The following PRR36 variants were observed in gnomAD, a reference collection of about 807,000 sequenced individuals.
PRR36 encodes the protein proline-rich protein 36.
Under a neutral mutation model 58.6 loss-of-function variants are expected in PRR36, and 30 were observed. That is an observed-to-expected ratio of 0.51 (90% CI 0.38 to 0.69). The LOEUF (loss-of-function observed/expected upper bound fraction) is 0.69. Ranked by LOEUF, PRR36 falls within the 30% of genes least tolerant of loss-of-function variation. The pLI, the probability that PRR36 is intolerant of heterozygous loss-of-function variation, is 0.00. For synonymous variants in PRR36, 771 were observed against 829.3 expected (o/e 0.93, Z 1.21); for missense variants, 1,692 against 1,805.6 (o/e 0.94, Z 1.14).
chr19:7,871,308 G>A lies in PRR36; in HGVS notation c.1936C>T (p.Pro646Ser). ...GGTGAATCAGGGGGAGTAGAGGCCG[G>A]CCGAGAAGGTGAGATCAAAGAAGCT... ...TQASLISPSRPASTPPDSPPL... is the reference protein window; with the variant it reads ...TQASLISPSRSASTPPDSPPL... Residue 646 changes from proline to serine, a missense_variant, in exon 5 of 6, where the codon CCG becomes TCG. This residue lies in a region of PRR36 where 975 missense variants were observed against 955.2 expected (regional missense o/e 1.02). Coordinates refer to ENST00000618550, the MANE Select transcript of PRR36 (RefSeq NM_001190467.2). 6.5e-7 allele frequency: 1 copy of A among 1,529,818 alleles called. No individual in the cohort carries two copies. Among genetic ancestry groups the A allele is most frequent in the Non-Finnish European group, 8.7e-7 (1 of 1,142,958 alleles). The allele number at this position is 1,529,818 out of a possible 1,614,324, so 94.8% of individuals were successfully genotyped here. A position where few individuals can be genotyped will look rare whatever the true frequency, so the allele number is the denominator to read the frequency against.
chr19:7,870,954 CTAGAGAAGGTAGGTT>C lies in PRR36; in HGVS notation c.2275_2289del (p.Asn759_Leu763del). The stretch of plus-strand genomic sequence containing the variant: ...GAAGCTGTCTGCAGAGGAGGCGGGG[CTAGAGAAGGTAGGTT>C]CTCCAGAGGGGGTGTGGTCAGGGGA... On this transcript the variant is annotated inframe_deletion, in exon 5 of 6. Coordinates refer to ENST00000618550, the MANE Select transcript of PRR36 (RefSeq NM_001190467.2). 2.9e-6 allele frequency: 4 copies of C among 1,364,232 alleles called. No homozygotes were observed. Among genetic ancestry groups the C allele is most frequent in the South Asian group, 1.8e-5 (1 of 55,414 alleles). 84.5% of individuals were successfully genotyped at this position (1,364,232 alleles called of 1,614,324 possible).
In PRR36 at chr19:7,870,042, G is replaced by A. The variant is rs1354922345; in HGVS notation, c.3202C>T (p.Pro1068Ser). 2.7e-6 allele frequency: 4 copies of A among 1,459,988 alleles called. 1 individual carries two copies. Among genetic ancestry groups the A allele is most frequent in the South Asian group, 2.7e-5 (2 of 73,396 alleles). 90.4% of individuals were successfully genotyped at this position (1,459,988 alleles called of 1,614,324 possible). The change falls in exon 5 of 6, where the codon CCC (proline) becomes TCC (serine). Residue 1068 changes from proline (P) to serine (S), a missense_variant. Pro to Ser is a moderately conservative substitution (Grantham distance 74). Around this residue, in one of 5 missense-constraint regions of PRR36, gnomAD observed 485 missense variants for 549.2 expected, o/e 0.88. Transcript: ENST00000618550. The stretch of plus-strand genomic sequence containing the variant: ...GCCTGCAGGGTGGGTGAGGCAGGGG[G>A]AGAGGGAGGGACCTGCAGAAGGGGC... ...AAPLLQVPPS[P>S]PASPTLQAPR...
At position 7,872,145 on chromosome 19, in the gene PRR36, C is replaced by T. The variant is rs1215985650; in HGVS notation, c.1099G>A (p.Ala367Thr). 16 of 1,498,596 alleles carry T rather than the reference C, an allele frequency of 1.1e-5. No homozygotes were observed. Among genetic ancestry groups the T allele is most frequent in the Non-Finnish European group, 1.3e-5 (15 of 1,127,550 alleles). The allele number at this position is 1,498,596 out of a possible 1,614,324, so 92.8% of individuals were successfully genotyped here. A position where few individuals can be genotyped will look rare whatever the true frequency, so the allele number is the denominator to read the frequency against. Residue 367 changes from alanine (A) to threonine (T), a missense_variant, in exon 5 of 6, where the codon GCC (alanine) becomes ACC (threonine). Physicochemically the swap from Ala to Thr is moderately conservative, Grantham distance 58. Coordinates refer to ENST00000618550, the MANE Select transcript of PRR36 (RefSeq NM_001190467.2). This position sits in a 1 kb window ranked among gnomAD's most constrained non-coding sequence, Gnocchi z 6.1. ...PHSSSLTCQL[A>T]TPLPLAPPSP... ...GGAGGGGCTAGAGGAAGGGGCGTGG[C>T]CAACTGACAGGTAAGGCTCGACGAG... is the stretch of plus-strand genomic sequence containing the variant.
rs1980433660 is a variant in PRR36, at chr19:7,871,325, A to G, written c.1919T>C (p.Leu640Ser). 6.5e-7 allele frequency: 1 copy of G among 1,529,888 alleles called. No homozygotes were observed. Among genetic ancestry groups the G allele is most frequent in the South Asian group, 1.2e-5 (1 of 83,624 alleles). The allele number at this position is 1,529,888 out of a possible 1,614,324, so 94.8% of individuals were successfully genotyped here. ...TMSPRQTQAS[L>S]ISPSRPASTP... ...AGAGGCCGGCCGAGAAGGTGAGATCAAAGAAGCTTGGGTTTGCCTAGGGGA... is the reference window on the plus strand; with the variant it reads ...AGAGGCCGGCCGAGAAGGTGAGATCGAAGAAGCTTGGGTTTGCCTAGGGGA... The change falls in exon 5 of 6, where the codon TTG (leucine) becomes TCG (serine). Residue 640 changes from leucine to serine, a missense_variant. Leu to Ser is a moderately radical substitution (Grantham distance 145, BLOSUM62 -2). This residue lies in a region of PRR36 where 975 missense variants were observed against 955.2 expected (regional missense o/e 1.02). Transcript: ENST00000618550.
chr19:7,869,364 C>G lies in PRR36; in HGVS notation c.3710G>C (p.Arg1237Pro), dbSNP rs1383170564. Residue 1237 changes from arginine (R) to proline (P), a missense_variant, in exon 6 of 6, where the codon CGG becomes CCG. Coordinates refer to ENST00000618550, the MANE Select transcript of PRR36 (RefSeq NM_001190467.2). ...AAGAGAGASS[R>P]SPKQARLGEL... ...GCCCAGGCGCGCCTGCTTCGGGCTC[C>G]GCGAGGACGCCCCGGCCCCGGCCCC... The G allele has an allele frequency of 7.0e-7, 1 of 1,435,936 alleles. No homozygotes were observed. Among genetic ancestry groups the G allele is most frequent in the South Asian group, 1.4e-5 (1 of 70,376 alleles). 88.9% of individuals were successfully genotyped at this position (1,435,936 alleles called of 1,614,324 possible). A position where few individuals can be genotyped will look rare whatever the true frequency, so the allele number is the denominator to read the frequency against.
At position 7,869,938 on chromosome 19, in the gene PRR36, CG is replaced by C; in HGVS notation, c.3305del (p.Pro1102ArgfsTer13). 7.3e-7 allele frequency: 1 copy of C among 1,364,834 alleles called. No individual in the cohort carries two copies. The highest frequency in any genetic ancestry group is 9.4e-7 in the Non-Finnish European group (1 of 1,066,536). 84.5% of individuals were successfully genotyped at this position (1,364,834 alleles called of 1,614,324 possible). ...PRLTLALAPG[P>X]PPPPSRSPSS... is the part of the protein sequence containing the mutation. The stretch of plus-strand genomic sequence containing the variant: ...ACGGGCTGCGCGAGGGCGGCGGCGG[CG>C]GGCCGGGGGCCAACGCCAGGGTCAG... On this transcript the variant is annotated frameshift_variant, in exon 5 of 6. Transcript: ENST00000618550. LOFTEE classifies it high-confidence loss of function.
chr19:7,871,680 C>T lies in PRR36; in HGVS notation c.1564G>A (p.Asp522Asn). Residue 522 changes from aspartate (D) to asparagine (N), a missense_variant, in exon 5 of 6, where the codon GAC becomes AAC. By Grantham distance (23) the Asp-to-Asn change is conservative. Transcript: ENST00000618550. ...GGCAATGTGGCCAGAAGAGGAGAGT[C>T]CTGCAGAGGAAGAGTGGCCAGAGTG... ...PHTLATLPLQ[D>N]SPLLATLPLQ... The T allele has an allele frequency of 6.5e-7, 1 of 1,535,204 alleles. No individual in the cohort carries two copies. The highest frequency in any genetic ancestry group is 8.7e-7 in the Non-Finnish European group (1 of 1,146,664).
Position 7,870,948 on chromosome 19 carries a change from GCGGGGCT to G in PRR36, c.2289_2295del (p.Ala764LeufsTer10). The G allele has an allele frequency of 7.8e-5, 107 of 1,364,322 alleles. No homozygotes were observed. Among genetic ancestry groups the G allele is most frequent in the East Asian group, 2.7e-4 (10 of 36,584 alleles). The allele number at this position is 1,364,322 out of a possible 1,614,324, so 84.5% of individuals were successfully genotyped here. ...GGAGCAGAAGCTGTCTGCAGAGGAG[GCGGGGCT>G]AGAGAAGGTAGGTTCTCCAGAGGGG... On this transcript the variant is annotated frameshift_variant, in exon 5 of 6. Transcript: ENST00000618550. LOFTEE classifies it high-confidence loss of function.
rs1980591967 is a variant in PRR36, at chr19:7,874,020, G to C, written c.-8+266C>G. Among the ~76,000 whole-genome samples, 1 of 151,332 alleles carries C rather than the reference G, an allele frequency of 6.6e-6. No homozygotes were observed. Among genetic ancestry groups the C allele is most frequent in the Non-Finnish European group, 1.5e-5 (1 of 67,882 alleles). ...TGCCCCTTGCCCCTTCAGGGACTCAGACCGCCAGCCTCGAGAGCGGGGGAC... is the reference window on the plus strand; with the variant it reads ...TGCCCCTTGCCCCTTCAGGGACTCACACCGCCAGCCTCGAGAGCGGGGGAC... On this transcript the variant is annotated intron_variant, in intron 1 of 5. Transcript: ENST00000618550. This position sits in a 1 kb window ranked among gnomAD's most constrained non-coding sequence, Gnocchi z 6.0.
At position 7,873,937 on chromosome 19, in the gene PRR36, G is replaced by A. The variant is rs1383079479; in HGVS notation, c.-7-241C>T. ...TCCCTAAAGCGAAGAGGCCCTGCCC[G>A]CCCCAGCCCACCGCCTCCCCCGCCT... On this transcript the variant is annotated intron_variant, in intron 1 of 5. Transcript: ENST00000618550. This position sits in a 1 kb window ranked among gnomAD's most constrained non-coding sequence, Gnocchi z 5.0. Among the ~76,000 whole-genome samples the A allele has an allele frequency of 4.5e-5, 4 of 88,382 alleles. No homozygotes were observed. In the East Asian group the frequency reaches 9.1e-4, roughly 20 times the overall value. The allele number at this position is 88,382 out of a possible 152,430, so 58.0% of individuals were successfully genotyped here.
Position 7,873,285 on chromosome 19 carries a change from C to G in PRR36, c.286G>C (p.Ala96Pro), listed in dbSNP as rs988789918. 6.5e-7 allele frequency: 1 copy of G among 1,535,024 alleles called. No homozygotes were observed. Among genetic ancestry groups the G allele is most frequent in the African/African-American group, 1.4e-5 (1 of 72,980 alleles). Residue 96 changes from alanine (A) to proline (P), a missense_variant, in exon 3 of 6, where the codon GCC (alanine) becomes CCC (proline). Physicochemically the swap from Ala to Pro is conservative, Grantham distance 27 (BLOSUM62 -1). This residue lies in a region of PRR36 where 975 missense variants were observed against 955.2 expected (regional missense o/e 1.02). Transcript: ENST00000618550. This position sits in a 1 kb window ranked among gnomAD's most constrained non-coding sequence, Gnocchi z 5.0. The stretch of plus-strand genomic sequence containing the variant: ...GGAGCTCTCTCCCCTCTCCCAGAGG[C>G]TGGGGGCCTGGAGGCTGCGGGGAGA... ...SSRNPASRPP[A>P]SGRGERAPPA... is the part of the protein sequence containing the mutation.
chr19:7,872,562 GCCGCCTCCT>G lies in PRR36; in HGVS notation c.673_681del (p.Arg225_Arg227del). On this transcript the variant is annotated inframe_deletion, in exon 5 of 6. Transcript: ENST00000618550. The surrounding 1 kb of genome is among the most constrained non-coding windows in gnomAD (Gnocchi z 6.1). ...CTCTGGAGACCCCCACCGGCGCTGG[GCCGCCTCCT>G]GGCAGCCGGGCTTGGCTCGGTGGTA... 1 of 1,523,644 alleles carries G rather than the reference GCCGCCTCCT, an allele frequency of 6.6e-7. No individual in the cohort carries two copies. The allele number at this position is 1,523,644 out of a possible 1,614,324, so 94.4% of individuals were successfully genotyped here.
At position 7,869,340 on chromosome 19, in the gene PRR36, C is replaced by A; in HGVS notation, c.3734G>T (p.Gly1245Val). The A allele has an allele frequency of 7.0e-7, 1 of 1,426,608 alleles. No individual in the cohort carries two copies. Among genetic ancestry groups the A allele is most frequent in the South Asian group, 1.4e-5 (1 of 69,212 alleles). 88.4% of individuals were successfully genotyped at this position (1,426,608 alleles called of 1,614,324 possible). A position where few individuals can be genotyped will look rare whatever the true frequency, so the allele number is the denominator to read the frequency against. Residue 1245 changes from glycine to valine, a missense_variant, in exon 6 of 6, where the codon GGC becomes GTC. By Grantham distance (109) the Gly-to-Val change is moderately radical. Coordinates refer to ENST00000618550, the MANE Select transcript of PRR36 (RefSeq NM_001190467.2). ...SSRSPKQARL[G>V]ELPLGALQAS... The stretch of plus-strand genomic sequence containing the variant: ...CTGCAGCGCCCCCAGTGGCAGCTCG[C>A]CCAGGCGCGCCTGCTTCGGGCTCCG...
chr19:7,872,308 G>C lies in PRR36; in HGVS notation c.936C>G (p.Thr312=), dbSNP rs963308634. 8 of 1,454,492 alleles carry C rather than the reference G, an allele frequency of 5.5e-6. No homozygotes were observed. The highest frequency in any genetic ancestry group is 1.4e-5 in the African/African-American group (1 of 70,058). 90.1% of individuals were successfully genotyped at this position (1,454,492 alleles called of 1,614,324 possible). The change falls in exon 5 of 6, where the codon ACC becomes ACG. Residue 312 remains threonine (T), a synonymous_variant. Transcript: ENST00000618550. This position sits in a 1 kb window ranked among gnomAD's most constrained non-coding sequence, Gnocchi z 6.1. Reference sequence around the variant, plus strand: ...CGGGAGGCGGTACGGGTCTTGCCTTGGTACCCGATGGAGAGGGTGTGGCCA... The same window carrying C: ...CGGGAGGCGGTACGGGTCTTGCCTTCGTACCCGATGGAGAGGGTGTGGCCA... ...SPLATPSPSG[T]KARPVPPPDN...
In PRR36 at chr19:7,870,987, TCAGGGGAGCAGAAGC is replaced by T; in HGVS notation, c.2242_2256del (p.Ala748_Leu752del). 1 of 1,055,284 alleles carries T rather than the reference TCAGGGGAGCAGAAGC, an allele frequency of 9.5e-7. No individual in the cohort carries two copies. The highest frequency in any genetic ancestry group is 1.3e-6 in the Non-Finnish European group (1 of 772,008). 65.4% of individuals were successfully genotyped at this position (1,055,284 alleles called of 1,614,324 possible). On this transcript the variant is annotated inframe_deletion, in exon 5 of 6. Coordinates refer to ENST00000618550, the MANE Select transcript of PRR36 (RefSeq NM_001190467.2). ...GGTAGGTTCTCCAGAGGGGGTGTGG[TCAGGGGAGCAGAAGC>T]TGTCTGCAGAGGAGGCGGGGCTAGA... is the stretch of plus-strand genomic sequence containing the variant.
At position 7,870,971 on chromosome 19, in the gene PRR36, T is replaced by A; in HGVS notation, c.2273A>T (p.Glu758Val). 9.8e-7 allele frequency: 1 copy of A among 1,018,162 alleles called. No homozygotes were observed. The highest frequency in any genetic ancestry group is 1.3e-6 in the Non-Finnish European group (1 of 749,074). 63.1% of individuals were successfully genotyped at this position (1,018,162 alleles called of 1,614,324 possible). ...ASAPLTTPPL[E>V]NLPSLAPPPL... is the part of the protein sequence containing the mutation. ...AGGCGGGGCTAGAGAAGGTAGGTTC[T>A]CCAGAGGGGGTGTGGTCAGGGGAGC... Residue 758 changes from glutamate to valine, a missense_variant, in exon 5 of 6, where the codon GAG becomes GTG. Glu to Val is a moderately radical substitution (Grantham distance 121). Coordinates refer to ENST00000618550, the MANE Select transcript of PRR36 (RefSeq NM_001190467.2).
Position 7,868,731 on chromosome 19 carries a change from T to A in PRR36, c.*302A>T. On this transcript the variant is annotated 3_prime_UTR_variant, in exon 6 of 6. Transcript: ENST00000618550. ...GACAGCGAAGGTGTGCAAGTCCCAG[T>A]GTCCCAGTTTTATTGCAAACTCAGG... is the stretch of plus-strand genomic sequence containing the variant. 3.1e-6 allele frequency: 1 copy of A among 319,844 alleles called. No individual in the cohort carries two copies. Among genetic ancestry groups the A allele is most frequent in the Non-Finnish European group, 5.8e-6 (1 of 173,792 alleles). The allele number at this position is 319,844 out of a possible 1,614,324, so 19.8% of individuals were successfully genotyped here. A position where few individuals can be genotyped will look rare whatever the true frequency, so the allele number is the denominator to read the frequency against.
Position 7,871,745 on chromosome 19 carries a change from C to G in PRR36, c.1499G>C (p.Ser500Thr), listed in dbSNP as rs372278585. ...GAGAGAGGGCGGAGACGGGGAAGGACTGGCCTGCGGAGGGGGCGTGGTCAG... is the reference window on the plus strand; with the variant it reads ...GAGAGAGGGCGGAGACGGGGAAGGAGTGGCCTGCGGAGGGGGCGTGGTCAG... ...SALTTPPPQA[S>T]PSPSPPSLQA... The change falls in exon 5 of 6, where the codon AGT (serine) becomes ACT (threonine). Residue 500 changes from serine (S) to threonine (T), a missense_variant. Physicochemically the swap from Ser to Thr is moderately conservative, Grantham distance 58 (BLOSUM62 1). Transcript: ENST00000618550. 9.1e-6 allele frequency: 14 copies of G among 1,533,964 alleles called. No individual in the cohort carries two copies. The highest frequency in any genetic ancestry group is 7.4e-5 in the East Asian group (3 of 40,752).
Position 7,869,829 on chromosome 19 carries a change from C to A in PRR36, c.3415G>T (p.Gly1139Trp), listed in dbSNP as rs1980294013. ...GAGGCTGCGGCACCGCCCTCGGGCC[C>A]GCTGTCGTAGCCACGCAGCTCCTCT... ...TPEELRGYDS[G>W]PEGGAAASPP... is the part of the protein sequence containing the mutation. The change falls in exon 5 of 6, where the codon GGG (glycine) becomes TGG (tryptophan). Residue 1139 changes from glycine to tryptophan, a missense_variant. Transcript: ENST00000618550. The A allele has an allele frequency of 1.5e-6, 2 of 1,349,438 alleles. No individual in the cohort carries two copies. The highest frequency in any genetic ancestry group is 1.8e-5 in the South Asian group (1 of 54,394). The allele number at this position is 1,349,438 out of a possible 1,614,324, so 83.6% of individuals were successfully genotyped here.
Sources: gnomAD v4.1 joint callset for allele counts (sites outside exome capture counted in the v4.1 genomes callset) on GRCh38, gnomAD v4.1.1 for gene constraint, gnomAD v4.1.1 regional missense constraint, Gnocchi (gnomAD v3.1) non-coding constraint, MANE v1.5 for transcripts, NCBI Gene and HGNC (gene_info 2026-07-23, HGNC 2026-07-21) for gene names.